SFMBT2: variants seen among roughly 807,000 people sequenced by gnomAD.
SFMBT2 encodes Scm like with four mbt domains 2.
Under a neutral mutation model 110.1 loss-of-function variants are expected in SFMBT2, and 38 were observed. That is an observed-to-expected ratio of 0.35 (90% CI 0.27 to 0.45). The LOEUF (loss-of-function observed/expected upper bound fraction) is 0.45. SFMBT2 is among the 20% of genes least tolerant of loss of function. The pLI, the probability that SFMBT2 is intolerant of heterozygous loss-of-function variation, is 1.00. For missense variants in SFMBT2, 1,011 were observed against 1,094.9 expected (o/e 0.92, Z 1.08); for synonymous variants, 425 against 425.4 (o/e 1.00, Z 0.01).
chr10:7,234,619 G>A (rs77197955), intron 9 of SFMBT2, among the ~76,000 whole-genome samples: 5,156 of 152,190 alleles, frequency 0.034, 250 homozygotes, highest in African/African-American at 0.11. Context: ...AAAAGTGACC[G>A]TTTTGCTCAA....
rs752088617 is a variant in SFMBT2 at position 7,172,096 on chromosome 10, G to A, written c.2214C>T (p.Ser738=). 1.5e-5 allele frequency: 24 copies of A among 1,604,856 alleles called. No homozygotes were observed. In the Admixed American group the frequency reaches 1.5e-4, roughly 10 times the overall value. ...TGTCCGTCTGGTCATCCCGGAGCTC[G>A]GAGCCGGTCTCCTCACTGGCGGTGT... is the stretch of plus-strand genomic sequence containing the variant. The part of the protein sequence containing the change: ...DDDTASEETG[S]ELRDDQTDTS... The change falls in exon 19 of 21, where the codon TCC becomes TCT. Residue 738 remains serine, a synonymous_variant. Coordinates refer to ENST00000397167, the MANE Select transcript of SFMBT2 (RefSeq NM_001387889.1). This position sits in a 1 kb window ranked among gnomAD's most constrained non-coding sequence, Gnocchi z 4.6.
At chr10:7,385,255 G>A (rs1050877176) in intron 1 of SFMBT2, among the ~76,000 whole-genome samples, 10 of 152,132 alleles carry the variant, frequency 6.6e-5, no homozygotes, top group Non-Finnish European at 1.2e-4. Flanking sequence ...AAGGAAGCGC[G>A]GTTATGAGAT....
intron 7 of SFMBT2, among the ~76,000 whole-genome samples, chr10:7,250,956 G>A (rs542371107): frequency 3.9e-5 from 6 of 152,178 alleles, no homozygotes; most frequent in Admixed American, 6.5e-5. Flanking sequence ...CAGGTGAGGC[G>A]CCATCACAAC....
chr10:7,235,743 T>C (rs573232205), intron 9 of SFMBT2, among the ~76,000 whole-genome samples: 14 of 151,366 alleles, frequency 9.2e-5, no homozygotes, highest in Non-Finnish European at 1.6e-4. Context: ...GAACAACAGA[T>C]AAAAATACAG....
Position 7,170,201 on chromosome 10 carries a change from T to A in SFMBT2, c.2544+727A>T, listed in dbSNP as rs1837829395. 6.6e-6 allele frequency among the ~76,000 whole-genome samples: 1 copy of A among 152,186 alleles called. No individual in the cohort carries two copies. Among genetic ancestry groups the A allele is most frequent in the African/African-American group, 2.4e-5 (1 of 41,460 alleles). The stretch of plus-strand genomic sequence containing the variant: ...GCTGACAGCACAGTGCTGAGCTCTC[T>A]GGTTGTTGTGGTTGCTGTTTGTGTG... On this transcript the variant is annotated intron_variant, in intron 20 of 20. Coordinates refer to ENST00000397167, the MANE Select transcript of SFMBT2 (RefSeq NM_001387889.1). This position sits in a 1 kb window ranked among gnomAD's most constrained non-coding sequence, Gnocchi z 4.6.
At chr10:7,360,365 G>A (rs533918519) in intron 4 of SFMBT2, among the ~76,000 whole-genome samples, 76 of 152,304 alleles carry the variant, frequency 5.0e-4, no homozygotes, top group Middle Eastern at 3.4e-3. Flanking sequence ...TACTCATGAG[G>A]CTGAGGTAGA....
At chr10:7,327,923 T>C (rs1564442396) in intron 4 of SFMBT2, among the ~76,000 whole-genome samples, 1 of 152,230 alleles carries the variant, frequency 6.6e-6, no homozygotes, top group Non-Finnish European at 1.5e-5. Flanking sequence ...AGGGCTGCTA[T>C]AAACATCTTA....
chr10:7,227,807 G>C, intron 10 of SFMBT2, 48 bp downstream of exon 10: 1 of 1,534,108 alleles, frequency 6.5e-7, no homozygotes, highest in Non-Finnish European at 9.0e-7. Flanking sequence ...ACTTACGGTA[G>C]ACAAAATCTA....
chr10:7,351,040 C>A (rs1844297334), intron 4 of SFMBT2, among the ~76,000 whole-genome samples: 1 of 152,164 alleles, frequency 6.6e-6, no homozygotes, highest in Non-Finnish European at 1.5e-5. Context: ...GGGTGGCCCA[C>A]TAGGATTTAT....
intron 1 of SFMBT2, among the ~76,000 whole-genome samples, chr10:7,395,840 T>C (rs1454009367): frequency 6.6e-6 from 1 of 152,214 alleles, no homozygotes; most frequent in African/African-American, 2.4e-5. Context: ...ATAGACGTTA[T>C]GTTTCTCTCT....
chr10:7,397,640 G>A (rs921320950), intron 1 of SFMBT2, among the ~76,000 whole-genome samples: 2 of 152,150 alleles, frequency 1.3e-5, no homozygotes, highest in African/African-American at 4.8e-5. Context: ...ACCAAATTTT[G>A]AGCCGAATCT....
chr10:7,347,936 G>A lies in SFMBT2; in HGVS notation c.436+19713C>T, dbSNP rs796813384. On this transcript the variant is annotated intron_variant, in intron 4 of 20. Transcript: ENST00000397167. ...CATTAACGGTACTTACAAATCTAAA[G>A]ATCCATTTGGGATCTAAAATTAATT... Among the ~76,000 whole-genome samples the A allele has an allele frequency of 1.3e-4, 20 of 152,234 alleles. No homozygotes were observed. In the East Asian group the frequency reaches 2.9e-3, roughly 22 times the overall value.
chr10:7,205,747 T>G (rs1277074377), intron 12 of SFMBT2, 68 bp downstream of exon 12: 1 of 1,544,310 alleles, frequency 6.5e-7, no homozygotes, highest in African/African-American at 1.4e-5. Flanking sequence ...AATTTCTTTA[T>G]GAAGCTGCCA....
At position 7,172,299 on chromosome 10, in the gene SFMBT2, C is replaced by T. The variant is rs558642110; in HGVS notation, c.2152-141G>A. The T allele has an allele frequency of 3.2e-5, 47 of 1,452,444 alleles. No homozygotes were observed. Among genetic ancestry groups the T allele is most frequent in the African/African-American group, 2.6e-4 (18 of 70,454 alleles). 90.0% of individuals were successfully genotyped at this position (1,452,444 alleles called of 1,614,324 possible). On this transcript the variant is annotated intron_variant, in intron 18 of 20. Transcript: ENST00000397167. This position sits in a 1 kb window ranked among gnomAD's most constrained non-coding sequence, Gnocchi z 4.6. ...CCAGTGGTCCCACCCGTGGGCCCTA[C>T]GAGGCCCTTCCCAGCCAAAGCAGCT...
At chr10:7,197,082 C>G (rs2692804) in intron 15 of SFMBT2, among the ~76,000 whole-genome samples, 76,216 of 151,708 alleles carry the variant, frequency 0.5, 20,157 homozygotes, top group Non-Finnish European at 0.59. Flanking sequence ...ACCAGGTGCT[C>G]GGAAGAGATG....
In SFMBT2 at chr10:7,272,880, C is replaced by T. The variant is rs549833970; in HGVS notation, c.870+4012G>A. Among the ~76,000 whole-genome samples, 658 of 152,316 alleles carry T rather than the reference C, an allele frequency of 4.3e-3. 4 individuals are homozygous for T. The highest frequency in any genetic ancestry group is 0.01 in the Middle Eastern group (3 of 294). On this transcript the variant is annotated intron_variant, in intron 7 of 20. Coordinates refer to ENST00000397167, the MANE Select transcript of SFMBT2 (RefSeq NM_001387889.1). ...CAATCTCAGCTCACTGCAACCTCTGCCTCCCGGGTTCAAGGAATCCTCCTG... is the reference window on the plus strand; with the variant it reads ...CAATCTCAGCTCACTGCAACCTCTGTCTCCCGGGTTCAAGGAATCCTCCTG...
intron 4 of SFMBT2, among the ~76,000 whole-genome samples, chr10:7,338,916 C>T (rs1329721628): frequency 2.0e-5 from 3 of 152,150 alleles, no homozygotes; most frequent in African/African-American, 7.2e-5. Context: ...AGGTACAGGA[C>T]GCTTGCTTAA....
intron 1 of SFMBT2, among the ~76,000 whole-genome samples, chr10:7,393,013 AT>A (rs1564473008): frequency 0.045 from 3,632 of 81,510 alleles, 228 homozygotes; most frequent in African/African-American, 0.18. Flanking sequence ...ATATATATAT[AT>A]ATATATATAT....
At chr10:7,302,832 T>C (rs2131884852) in intron 4 of SFMBT2, among the ~76,000 whole-genome samples, 2 of 152,314 alleles carry the variant, frequency 1.3e-5, no homozygotes, top group Middle Eastern at 3.4e-3. Context: ...AGGAGGTGTA[T>C]TTGAATAACT....
Sources: gnomAD v4.1 joint callset for allele counts (sites outside exome capture counted in the v4.1 genomes callset) on GRCh38, gnomAD v4.1.1 for gene constraint, Gnocchi (gnomAD v3.1) non-coding constraint, MANE v1.5 for transcripts, NCBI Gene and HGNC (gene_info 2026-07-23, HGNC 2026-07-21) for gene names.